The following RNF182 variants were observed in gnomAD, a reference collection of about 807,000 sequenced individuals.
The protein encoded by RNF182 is ring finger protein 182, also known as E3 ubiquitin-protein ligase RNF182.
In RNF182, 15 loss-of-function variants were observed where a neutral mutation model predicts 14.4. That is an observed-to-expected ratio of 1.04 (90% CI 0.70 to 1.60). The LOEUF (loss-of-function observed/expected upper bound fraction) is 1.60, where lower values mean the gene tolerates loss of function less well. Ranked by LOEUF, RNF182 falls within the 40% of genes most tolerant of loss-of-function variation. The pLI is 0.00. For missense variants in RNF182, 268 were observed against 294.8 expected (o/e 0.91, Z 0.67); for synonymous variants, 128 against 122.9 (o/e 1.04, Z -0.27).
intron 1 of RNF182, among the ~76,000 whole-genome samples, chr6:13,966,637 C>CA (rs1760034068): frequency 6.6e-6 from 1 of 151,980 alleles, no homozygotes; most frequent in Non-Finnish European, 1.5e-5. Flanking sequence ...GTGGCGCACA[C>CA]CTGTAATCTC....
At chr6:13,930,563 A>T (rs1385345858) in intron 1 of RNF182, among the ~76,000 whole-genome samples, 1 of 152,214 alleles carries the variant, frequency 6.6e-6, no homozygotes, top group Non-Finnish European at 1.5e-5. Context: ...CTCCTCTGAA[A>T]TAACACATGT....
chr6:13,977,026 C>T lies in RNF182; in HGVS notation c.-94C>T. The T allele has an allele frequency of 5.9e-6, 8 of 1,346,950 alleles. No individual in the cohort carries two copies. Among genetic ancestry groups the T allele is most frequent in the Non-Finnish European group, 8.1e-6 (8 of 984,638 alleles). The allele number at this position is 1,346,950 out of a possible 1,614,324, so 83.4% of individuals were successfully genotyped here. ...TTATCCTGCCTTTTTGCATCGCTGCCAGATTTGGATGATATGATATTCAGA... is the reference window on the plus strand; with the variant it reads ...TTATCCTGCCTTTTTGCATCGCTGCTAGATTTGGATGATATGATATTCAGA... On this transcript the variant is annotated 5_prime_UTR_variant, in exon 3 of 3. An upstream open reading frame in the 5' UTR gains an earlier in-frame stop. Transcript: ENST00000488300.
intron 2 of RNF182, among the ~76,000 whole-genome samples, chr6:13,975,035 G>A (rs1011366310): frequency 3.3e-5 from 5 of 152,206 alleles, no homozygotes; most frequent in African/African-American, 1.2e-4. Context: ...AAGTCTGTGT[G>A]TGGCTACCAG....
intron 1 of RNF182, among the ~76,000 whole-genome samples, chr6:13,932,491 C>T (rs1016366200): frequency 1.9e-4 from 29 of 152,028 alleles, no homozygotes; most frequent in African/African-American, 6.8e-4. Context: ...TATTTTAAAT[C>T]GCATGTTACT....
At chr6:13,930,514 C>T (rs980587771) in intron 1 of RNF182, among the ~76,000 whole-genome samples, 2 of 152,190 alleles carry the variant, frequency 1.3e-5, no homozygotes, top group Non-Finnish European at 2.9e-5. Context: ...CTAAGTGATA[C>T]TCCCTTCTCA....
At chr6:13,952,590 CG>C (rs1759624386) in intron 1 of RNF182, among the ~76,000 whole-genome samples, 1 of 152,072 alleles carries the variant, frequency 6.6e-6, no homozygotes, top group African/African-American at 2.4e-5. Context: ...GCTGTGCAGA[CG>C]ATTTTCCTTT....
At position 13,977,075 on chromosome 6, in the gene RNF182, C is replaced by T. The variant is rs1395873973; in HGVS notation, c.-45C>T. On this transcript the variant is annotated 5_prime_UTR_variant, in exon 3 of 3. Transcript: ENST00000488300. ...GAGGGGCACCTTAATCAAAGCCATTCTTCAACAAGACCCACCTGGCATAAG... is the reference window on the plus strand; with the variant it reads ...GAGGGGCACCTTAATCAAAGCCATTTTTCAACAAGACCCACCTGGCATAAG... 4 of 1,562,560 alleles carry T rather than the reference C, an allele frequency of 2.6e-6. No individual in the cohort carries two copies. The highest frequency in any genetic ancestry group is 2.3e-5 in the East Asian group (1 of 44,392).
At chr6:13,953,057 CAG>C (rs1425773381) in intron 1 of RNF182, among the ~76,000 whole-genome samples, 1 of 152,186 alleles carries the variant, frequency 6.6e-6, no homozygotes, top group African/African-American at 2.4e-5. Flanking sequence ...GTTCATAAGA[CAG>C]GACATCAGGA....
intron 1 of RNF182, among the ~76,000 whole-genome samples, chr6:13,946,714 C>T (rs1759449429): frequency 6.6e-6 from 1 of 152,142 alleles, no homozygotes; most frequent in Admixed American, 6.5e-5. Context: ...GTTTGAATGC[C>T]TCTGACACAT....
intron 1 of RNF182, among the ~76,000 whole-genome samples, chr6:13,951,025 G>A (rs1393823072): frequency 6.6e-6 from 1 of 152,084 alleles, no homozygotes; most frequent in Admixed American, 6.5e-5. Context: ...TTGAACACCT[G>A]GCCTCAGGTG....
chr6:13,949,242 T>C (rs112975987), intron 1 of RNF182: 18 of 788,124 alleles, frequency 2.3e-5, no homozygotes, highest in African/African-American at 8.4e-5. Flanking sequence ...TTTAGTCATA[T>C]TCAGACACCA....
chr6:13,964,572 G>A (rs1759968667), intron 1 of RNF182, among the ~76,000 whole-genome samples: 1 of 152,134 alleles, frequency 6.6e-6, no homozygotes, highest in South Asian at 2.1e-4. Flanking sequence ...AACGACTCCT[G>A]GAGCCAGCAG....
chr6:13,958,093 A>G (rs916444191), intron 1 of RNF182, among the ~76,000 whole-genome samples: 11 of 152,138 alleles, frequency 7.2e-5, no homozygotes, highest in African/African-American at 2.7e-4. Context: ...TGGGAAGTTC[A>G]TCTGATTTGA....
chr6:13,946,794 T>C (rs1759450734), intron 1 of RNF182, among the ~76,000 whole-genome samples: 1 of 152,168 alleles, frequency 6.6e-6, no homozygotes, highest in South Asian at 2.1e-4. Context: ...TTATCTTCTG[T>C]AGCTTCTTCA....
At chr6:13,928,796 G>A (rs184880295) in intron 1 of RNF182, among the ~76,000 whole-genome samples, 1 of 151,746 alleles carries the variant, frequency 6.6e-6, no homozygotes, top group East Asian at 1.9e-4. Context: ...GAGTTAAAAG[G>A]TGTTAAAGAG....
rs1554128243 is a variant in RNF182 at position 13,980,201 on chromosome 6, T to TTTTTATTTAA, written c.*2346_*2347insAATTTTATTT. The TTTTTATTTAA allele has an allele frequency of 7.0e-6, 1 of 142,138 alleles. No individual in the cohort carries two copies. Among genetic ancestry groups the TTTTTATTTAA allele is most frequent in the Non-Finnish European group, 1.5e-5 (1 of 64,866 alleles). 8.8% of individuals were successfully genotyped at this position (142,138 alleles called of 1,614,324 possible). ...ACACTTTTAAAAGGCCTTCATAGTT[T>TTTTTATTTAA]TTTTATTTTATTTTATTTTATTTTA... On this transcript the variant is annotated 3_prime_UTR_variant, in exon 3 of 3. Transcript: ENST00000488300.
At chr6:13,951,585 C>G (rs1054656619) in intron 1 of RNF182, among the ~76,000 whole-genome samples, 1 of 152,192 alleles carries the variant, frequency 6.6e-6, no homozygotes, top group Non-Finnish European at 1.5e-5. Flanking sequence ...AGGCTAAAAG[C>G]TCTCATAATG....
chr6:13,928,326 A>G (rs964544656), intron 1 of RNF182, among the ~76,000 whole-genome samples: 1 of 152,204 alleles, frequency 6.6e-6, no homozygotes, highest in African/African-American at 2.4e-5. Context: ...ATGTTTATCA[A>G]ATGCTTCCTT....
At chr6:13,955,538 C>T (rs776614859) in intron 1 of RNF182, among the ~76,000 whole-genome samples, 1 of 152,138 alleles carries the variant, frequency 6.6e-6, no homozygotes, top group Non-Finnish European at 1.5e-5. Flanking sequence ...GGCTTTTTAA[C>T]ATACTTGGTG....
Sources: gnomAD v4.1 joint callset for allele counts (sites outside exome capture counted in the v4.1 genomes callset) on GRCh38, gnomAD v4.1.1 for gene constraint, MANE v1.5 for transcripts, NCBI Gene and HGNC (gene_info 2026-07-23, HGNC 2026-07-21) for gene names.